Variants in CSMD1 observed in about 807,000 individuals in gnomAD.
The protein encoded by CSMD1 is CUB and Sushi multiple domains 1.
CSMD1 carries 213 observed loss-of-function variants against 417.5 expected under a neutral mutation model. That is an observed-to-expected ratio of 0.51 (90% CI 0.46 to 0.57). The LOEUF is 0.57. Among genes scored for constraint, CSMD1 ranks in the 20% least tolerant of loss-of-function variants. The probability of loss-of-function intolerance (pLI) is 0.00; values close to 1 mark genes in which losing one functional copy is unlikely to be tolerated. For missense variants in CSMD1, 6,923 were observed against 4,529.7 expected (o/e 1.53, Z -15.17); for synonymous variants, 2,862 against 1,736.8 (o/e 1.65, Z -16.11).
At chr8:3,610,316 T>C (rs963747382) in intron 8 of CSMD1, among the ~76,000 whole-genome samples, 1 of 152,146 alleles carries the variant, frequency 6.6e-6, no homozygotes, top group Non-Finnish European at 1.5e-5. Context: ...GAGGACTGCT[T>C]GAGGCCAGGA....
intron 7 of CSMD1, among the ~76,000 whole-genome samples, chr8:3,620,813 C>T (rs1241859788): frequency 6.6e-6 from 1 of 152,106 alleles, no homozygotes; most frequent in Non-Finnish European, 1.5e-5. Flanking sequence ...GTCAGAGCTA[C>T]CCTTTAAATA....
At chr8:4,257,222 G>A (rs558215691) in intron 3 of CSMD1, among the ~76,000 whole-genome samples, 1 of 152,064 alleles carries the variant, frequency 6.6e-6, no homozygotes, top group African/African-American at 2.4e-5. Context: ...TATTGAAAGA[G>A]ACTAATACTA....
intron 5 of CSMD1, among the ~76,000 whole-genome samples, chr8:3,883,909 T>C: frequency 6.6e-6 from 1 of 152,118 alleles, no homozygotes; most frequent in East Asian, 1.9e-4. Context: ...AAATTAAATA[T>C]ATGTTAAAAT....
intron 1 of CSMD1, among the ~76,000 whole-genome samples, chr8:4,946,509 TC>T (rs1011256326): frequency 7.2e-5 from 11 of 151,880 alleles, no homozygotes; most frequent in Non-Finnish European, 1.6e-4. Context: ...ATGACAGCCA[TC>T]CCCCCAGCTG....
chr8:4,382,488 C>G (rs1293405092), intron 3 of CSMD1, among the ~76,000 whole-genome samples: 1 of 151,912 alleles, frequency 6.6e-6, no homozygotes, highest in African/African-American at 2.4e-5. Context: ...ATTCCAACCA[C>G]CTAAACTCTC....
chr8:3,474,143 T>A (rs1320033395), intron 11 of CSMD1, among the ~76,000 whole-genome samples: 5 of 152,182 alleles, frequency 3.3e-5, no homozygotes, highest in Admixed American at 3.3e-4. Flanking sequence ...GCTCCCCATG[T>A]CTGCCTGGAC....
chr8:4,660,114 C>A (rs199532577), intron 1 of CSMD1, among the ~76,000 whole-genome samples: 708 of 122,244 alleles, frequency 5.8e-3, no homozygotes, highest in Middle Eastern at 0.014. Context: ...TCAACCAGTG[C>A]AAAAAAAAAA....
chr8:4,823,195 T>G (rs1440784120), intron 1 of CSMD1, among the ~76,000 whole-genome samples: 1 of 152,066 alleles, frequency 6.6e-6, no homozygotes, highest in Non-Finnish European at 1.5e-5. Context: ...AAGCCTAGGT[T>G]CTTATTAGGT....
chr8:4,059,132 A>C (rs556676821), intron 3 of CSMD1, among the ~76,000 whole-genome samples: 2 of 152,348 alleles, frequency 1.3e-5, no homozygotes, highest in South Asian at 4.1e-4. Flanking sequence ...CTCAGGATTA[A>C]GAAACTCACT....
intron 42 of CSMD1, among the ~76,000 whole-genome samples, chr8:3,114,181 C>T (rs1457230404): frequency 2.6e-5 from 4 of 152,210 alleles, no homozygotes; most frequent in Admixed American, 1.3e-4. Context: ...CAGGTCAAGG[C>T]TACAGTGAGC....
At chr8:4,907,724 ATTT>A (rs33995355) in intron 1 of CSMD1, among the ~76,000 whole-genome samples, 37,991 of 147,060 alleles carry the variant, frequency 0.26, 5,336 homozygotes, top group East Asian at 0.52. Context: ...ATCCCCGGCA[ATTT>A]TTTTTTTTTT....
Position 3,097,004 on chromosome 8 carries a change from G to C in CSMD1, c.6983C>G (p.Ser2328Ter). ...CCCTGGACTGAGAATGACTCCCGATGATCCAGTCCGGACTTCATTTGCTGG... is the reference window on the plus strand; with the variant it reads ...CCCTGGACTGAGAATGACTCCCGATCATCCAGTCCGGACTTCATTTGCTGG... ...QCPANEVRTG[S>*]SGVILSPGYP... Residue 2328 changes from serine (S) to a stop codon, truncating the protein, a stop_gained, in exon 47 of 70, where the codon TCA becomes TGA. Coordinates refer to ENST00000635120, the MANE Select transcript of CSMD1 (RefSeq NM_033225.6). LOFTEE classifies it high-confidence loss of function. The C allele has an allele frequency of 6.4e-7, 1 of 1,554,660 alleles. No homozygotes were observed. Among genetic ancestry groups the C allele is most frequent in the Non-Finnish European group, 8.7e-7 (1 of 1,148,504 alleles).
At chr8:3,918,086 A>T (rs1808950518) in intron 5 of CSMD1, among the ~76,000 whole-genome samples, 1 of 151,602 alleles carries the variant, frequency 6.6e-6, no homozygotes, top group South Asian at 2.1e-4. Flanking sequence ...TTCTTCCTCC[A>T]CTCATTGATC....
At chr8:3,804,075 C>T (rs1048031979) in intron 5 of CSMD1, among the ~76,000 whole-genome samples, 1 of 152,006 alleles carries the variant, frequency 6.6e-6, no homozygotes, top group Non-Finnish European at 1.5e-5. Flanking sequence ...TACAGACGTG[C>T]ACCACCACAT....
intron 7 of CSMD1, among the ~76,000 whole-genome samples, chr8:3,658,174 G>A (rs909343701): frequency 6.6e-6 from 1 of 151,932 alleles, no homozygotes; most frequent in African/African-American, 2.4e-5. Flanking sequence ...AACTCCAGAA[G>A]ATACAATTTT....
At position 3,932,683 on chromosome 8, in the gene CSMD1, A is replaced by G. The variant is rs370167290; in HGVS notation, c.818+65220T>C. ...CTCAAAAAGCCGGTCCAATAAACTCATAAGATCGTAATTCATTGTGGTGGA... is the reference window on the plus strand; with the variant it reads ...CTCAAAAAGCCGGTCCAATAAACTCGTAAGATCGTAATTCATTGTGGTGGA... On this transcript the variant is annotated intron_variant, in intron 5 of 69. Transcript: ENST00000635120. Among the ~76,000 whole-genome samples, 6 of 150,608 alleles carry G rather than the reference A, an allele frequency of 4.0e-5. 2 individuals are homozygous for G. The highest frequency in any genetic ancestry group is 1.2e-4 in the African/African-American group (5 of 40,818).
chr8:4,091,650 G>T (rs1175550137), intron 3 of CSMD1, among the ~76,000 whole-genome samples: 2 of 152,236 alleles, frequency 1.3e-5, no homozygotes, highest in South Asian at 4.1e-4. Flanking sequence ...CCCACAACGA[G>T]TTCTTCAAAA....
chr8:4,006,369 C>G (rs1816113761), intron 4 of CSMD1, among the ~76,000 whole-genome samples: 1 of 152,154 alleles, frequency 6.6e-6, no homozygotes, highest in Non-Finnish European at 1.5e-5. Flanking sequence ...CATGGTGAAA[C>G]CCTGTCTCTA....
At chr8:3,104,708 T>C (rs1177497734) in intron 46 of CSMD1, among the ~76,000 whole-genome samples, 3 of 98,766 alleles carry the variant, frequency 3.0e-5, no homozygotes, top group African/African-American at 1.1e-4. Flanking sequence ...TTTTTTTCTT[T>C]TCTTTTTTTT....
Sources: gnomAD v4.1 joint callset for allele counts (sites outside exome capture counted in the v4.1 genomes callset) on GRCh38, gnomAD v4.1.1 for gene constraint, MANE v1.5 for transcripts, NCBI Gene and HGNC (gene_info 2026-07-23, HGNC 2026-07-21) for gene names.